Variants in MVB12A observed in about 807,000 individuals in gnomAD.
MVB12A encodes CIN85/CD2AP family binding protein.
MVB12A carries 30 observed loss-of-function variants against 34.3 expected under a neutral mutation model. The ratio of observed to expected loss-of-function variants is 0.88; its 90% CI spans 0.65 to 1.19. The LOEUF is 1.19. Ranked by LOEUF, MVB12A falls within the 50% of genes most tolerant of loss-of-function variation. The pLI is 0.00. For missense variants in MVB12A, 355 were observed against 369.2 expected (o/e 0.96, Z 0.31); for synonymous variants, 158 against 158.9 (o/e 0.99, Z 0.04).
At position 17,424,662 on chromosome 19, in the gene MVB12A, G is replaced by T. The variant is rs781465331; in HGVS notation, c.744G>T (p.Ala248=). Residue 248 remains alanine (A), a synonymous_variant, in exon 8 of 9, where the codon GCG becomes GCT. Coordinates refer to ENST00000317040, the MANE Select transcript of MVB12A (RefSeq NM_138401.4). ...GGGACCTGACCATCAAGTCTCTGGC[G>T]GACATTGAGGAGGAGGTGGGTGCAG... ...AFGDLTIKSL[A]DIEEEYNYGF... is the part of the protein sequence containing the mutation. The T allele has an allele frequency of 1.4e-5, 22 of 1,610,850 alleles. No individual in the cohort carries two copies. The highest frequency in any genetic ancestry group is 1.7e-5 in the Non-Finnish European group (20 of 1,178,230).
At chr19:17,423,912 A>G (rs1028986241) in intron 6 of MVB12A, 94 bp from the exon 7 acceptor site, 1 of 1,571,300 alleles carries the variant, frequency 6.4e-7, no homozygotes, top group Non-Finnish European at 8.8e-7. Context: ...GATTCTGTAA[A>G]GACTGAAGGA....
At chr19:17,420,264 C>T in intron 1 of MVB12A, 39 bp downstream of exon 1, 1 of 1,537,788 alleles carries the variant, frequency 6.5e-7, no homozygotes, top group Non-Finnish European at 8.7e-7. Context: ...ATGGGGGAGG[C>T]AGTCGCTGTG....
chr19:17,424,053 A>G lies in MVB12A; in HGVS notation c.688A>G (p.Ser230Gly), dbSNP rs2074855414. ...ACTCCACCCACGATTTGAGGGCAAG[A>G]GCTGCAGCCCCCTGGTGAGTCGGGG... ...FTLHPRFEGKSCSPLAFSAFG... is the reference protein window; with the variant it reads ...FTLHPRFEGKGCSPLAFSAFG... Residue 230 changes from serine (S) to glycine (G), a missense_variant, in exon 7 of 9, where the codon AGC becomes GGC. Physicochemically the swap from Ser to Gly is moderately conservative, Grantham distance 56 (BLOSUM62 0). Coordinates refer to ENST00000317040, the MANE Select transcript of MVB12A (RefSeq NM_138401.4). 1 of 1,614,130 alleles carries G rather than the reference A, an allele frequency of 6.2e-7. No individual in the cohort carries two copies. The highest frequency in any genetic ancestry group is 1.1e-5 in the South Asian group (1 of 91,086).
At chr19:17,415,612 T>G (rs1015539721), upstream of MVB12A, 2 of 152,280 alleles carry the variant, frequency 1.3e-5, no homozygotes, top group Non-Finnish European at 2.9e-5. Flanking sequence ...GCATTTGAGC[T>G]CCGCTCCCCT....
At position 17,422,323 on chromosome 19, in the gene MVB12A, C is replaced by G. The variant is rs374250458; in HGVS notation, c.287-9C>G. 3.4e-5 allele frequency: 54 copies of G among 1,609,084 alleles called. No individual in the cohort carries two copies. The highest frequency in any genetic ancestry group is 4.4e-5 in the Non-Finnish European group (52 of 1,176,930). On this transcript the variant is annotated splice_polypyrimidine_tract_variant and intron_variant, in intron 3 of 8. Transcript: ENST00000317040. Reference sequence around the variant, plus strand: ...TTCCCTCTCTCACTCCCCTACCCCCCACTCCCAGAGGCCTCTGTGTCCAAG... The same window carrying G: ...TTCCCTCTCTCACTCCCCTACCCCCGACTCCCAGAGGCCTCTGTGTCCAAG...
At chr19:17,414,955 G>A (rs2074789794) in intron 2 of MVB12A, 1 of 152,248 alleles carries the variant, frequency 6.6e-6, no homozygotes, top group Non-Finnish European at 1.5e-5. Context: ...TTGGGAGGCA[G>A]AGGCTGGCGG....
chr19:17,412,621 G>C (rs1341708304), intron 2 of MVB12A, among the ~76,000 whole-genome samples: 1 of 152,154 alleles, frequency 6.6e-6, no homozygotes, highest in Non-Finnish European at 1.5e-5. Context: ...CAGTCAATTG[G>C]AATGTCCACA....
At chr19:17,423,191 TAAAAAAAAAAAA>T (rs895549170) in intron 4 of MVB12A, among the ~76,000 whole-genome samples, 1 of 106,676 alleles carries the variant, frequency 9.4e-6, no homozygotes, top group Admixed American at 9.8e-5. Context: ...CGTTTCTACT[TAAAAAAAAAAAA>T]AAAAAAAAAA....
intron 2 of MVB12A, among the ~76,000 whole-genome samples, chr19:17,410,496 T>TTATATATGTGTATATATA (rs1568387298): frequency 0.01 from 327 of 31,396 alleles, 14 homozygotes; most frequent in South Asian, 0.014. Flanking sequence ...GGTTTTAGCT[T>TTATATATGTGTATATATA]CATATATATA....
At chr19:17,417,642 A>T (rs1455888320), upstream of MVB12A, 1 of 151,416 alleles carries the variant, frequency 6.6e-6, no homozygotes, top group Non-Finnish European at 1.5e-5. Context: ...ATTTTAAAAA[A>T]TAAAATAAAT....
intron 1 of MVB12A, 31 bp downstream of exon 1, chr19:17,420,256 G>T (rs751797077): frequency 6.5e-7 from 1 of 1,531,798 alleles, no homozygotes; most frequent in South Asian, 1.3e-5. Context: ...GGGGTCGAAT[G>T]GGGGAGGCAG....
At chr19:17,420,015 G>GCTGGCCC, upstream of MVB12A, 1 of 221,218 alleles carries the variant, frequency 4.5e-6, no homozygotes, top group Non-Finnish European at 7.2e-6. Flanking sequence ...GGCAATCTCC[G>GCTGGCCC]CCCCCCCCCC....
chr19:17,414,463 A>G (rs2074787242), intron 2 of MVB12A: 1 of 152,240 alleles, frequency 6.6e-6, no homozygotes, highest in Non-Finnish European at 1.5e-5. Context: ...TGTAAGACAC[A>G]CAGAGTATCC....
chr19:17,425,290 G>A lies in MVB12A; in HGVS notation c.*297G>A. On this transcript the variant is annotated 3_prime_UTR_variant, in exon 9 of 9. Transcript: ENST00000317040. ...CAAAACCCTCTGGGGTCCGGAGGCT[G>A]TGCGGGTGTCCTCCTGGCAATAAAC... 2.4e-6 allele frequency: 1 copy of A among 414,010 alleles called. No homozygotes were observed. The highest frequency in any genetic ancestry group is 4.3e-6 in the Non-Finnish European group (1 of 231,790). 25.6% of individuals were successfully genotyped at this position (414,010 alleles called of 1,614,324 possible).
chr19:17,419,146 G>A (rs2074819951), upstream of MVB12A: 1 of 152,164 alleles, frequency 6.6e-6, no homozygotes, highest in Admixed American at 6.6e-5. Flanking sequence ...CTCATGAATT[G>A]AGCCTGCGTG....
At chr19:17,413,980 AAAG>A (rs1432701196) in intron 2 of MVB12A, among the ~76,000 whole-genome samples, 2 of 152,100 alleles carry the variant, frequency 1.3e-5, no homozygotes, top group African/African-American at 4.8e-5. Context: ...CACTTCCCAT[AAAG>A]AAGAATTCAG....
chr19:17,422,213 A>G (rs1239897832), intron 3 of MVB12A, 119 bp from the exon 4 acceptor site: 1 of 833,100 alleles, frequency 1.2e-6, no homozygotes, highest in African/African-American at 1.7e-5. Context: ...CCCCATCCCC[A>G]ATGTTGTCCA....
Position 17,425,066 on chromosome 19 carries a change from CATCCTGGGGCCACCCCCACTCACT to C in MVB12A, c.*74_*97del, listed in dbSNP as rs2074863292. On this transcript the variant is annotated 3_prime_UTR_variant, in exon 9 of 9. Coordinates refer to ENST00000317040, the MANE Select transcript of MVB12A (RefSeq NM_138401.4). ...AGCCTGGGGCCACCCCCCCTCACTGCATCCTGGGGCCACCCCCACTCACTGCATCCTGGGAACCTTCGCCCTGCA... is the reference window on the plus strand; with the variant it reads ...AGCCTGGGGCCACCCCCCCTCACTGCGCATCCTGGGAACCTTCGCCCTGCA... The C allele has an allele frequency of 7.7e-6, 4 of 519,700 alleles. No individual in the cohort carries two copies. The highest frequency in any genetic ancestry group is 7.8e-5 in the Admixed American group (2 of 25,778). 32.2% of individuals were successfully genotyped at this position (519,700 alleles called of 1,614,324 possible).
chr19:17,418,814 GC>G (rs1485587534), upstream of MVB12A: 1 of 141,282 alleles, frequency 7.1e-6, no homozygotes, highest in African/African-American at 2.7e-5. Context: ...TCCCACCTCA[GC>G]CTCCCTGTTA....
Sources: gnomAD v4.1 joint callset for allele counts (sites outside exome capture counted in the v4.1 genomes callset) on GRCh38, gnomAD v4.1.1 for gene constraint, MANE v1.5 for transcripts, NCBI Gene and HGNC (gene_info 2026-07-23, HGNC 2026-07-21) for gene names.